HEATR4: variants seen among roughly 807,000 people sequenced by gnomAD.
HEATR4 encodes HEAT repeat-containing protein 4.
A neutral mutation model predicts 108.8 loss-of-function variants in HEATR4; 95 were observed. That is an observed-to-expected ratio of 0.87 (90% CI 0.74 to 1.04). The LOEUF is 1.04. HEATR4 is among the 50% of genes least tolerant of loss of function. The pLI, the probability that HEATR4 is intolerant of heterozygous loss-of-function variation, is 0.00. For missense variants in HEATR4, 1,152 were observed against 1,253.8 expected (o/e 0.92, Z 1.23); for synonymous variants, 443 against 459.4 (o/e 0.96, Z 0.46).
chr14:73,598,389 CA>C, the HEATR4 span, among the ~76,000 whole-genome samples: 1,377 of 103,304 alleles, frequency 0.013, 14 homozygotes, highest in African/African-American at 0.04. Flanking sequence ...GACTCCGTCT[CA>C]AAAAAAAAAA....
rs1234087360 is a variant in HEATR4 at position 73,534,851 on chromosome 14, A to G, written c.-151-4607T>C. On this transcript the variant is annotated intron_variant, in intron 1 of 17. Transcript: ENST00000553558. Reference sequence around the variant, plus strand: ...GGGATGAGGTCTTGCTCTGTTGCCCAAGCTGGTATCGAATTCCTCCTGGGC... The same window carrying G: ...GGGATGAGGTCTTGCTCTGTTGCCCGAGCTGGTATCGAATTCCTCCTGGGC... 3.9e-5 allele frequency among the ~76,000 whole-genome samples: 4 copies of G among 103,324 alleles called. 2 individuals are homozygous for G. In the Admixed American group the frequency reaches 4.6e-4, roughly 12 times the overall value. The allele number at this position is 103,324 out of a possible 152,430, so 67.8% of individuals were successfully genotyped here. A position where few individuals can be genotyped will look rare whatever the true frequency, so the allele number is the denominator to read the frequency against.
intron 16 of HEATR4, among the ~76,000 whole-genome samples, chr14:73,494,488 A>G (rs1885979701): frequency 6.6e-6 from 1 of 152,206 alleles, no homozygotes; most frequent in Non-Finnish European, 1.5e-5. Context: ...ATAGACATAC[A>G]CTAAGTAAAA....
At chr14:73,510,422 GT>G (rs1177019864) in intron 7 of HEATR4, among the ~76,000 whole-genome samples, 2 of 146,034 alleles carry the variant, frequency 1.4e-5, no homozygotes, top group Non-Finnish European at 1.5e-5. Context: ...GTTGGCTGGA[GT>G]TTTTTTGTTT....
intron 8 of HEATR4, among the ~76,000 whole-genome samples, chr14:73,508,982 T>G (rs1273926772): frequency 2.0e-5 from 3 of 151,978 alleles, no homozygotes; most frequent in Non-Finnish European, 4.4e-5. Context: ...TAGGTCTGCC[T>G]CAGCCTCCTA....
chr14:73,564,955 T>A, the HEATR4 span, among the ~76,000 whole-genome samples: 6 of 152,162 alleles, frequency 3.9e-5, no homozygotes, highest in Non-Finnish European at 7.4e-5. Context: ...ACCTGCTTTT[T>A]TCATCAGTGT....
the HEATR4 span, among the ~76,000 whole-genome samples, chr14:73,623,643 T>C: frequency 6.6e-6 from 1 of 152,106 alleles, no homozygotes; most frequent in Non-Finnish European, 1.5e-5. Context: ...GGCACTGCAT[T>C]CCAGCCTAGG....
At chr14:73,592,030 G>A in the HEATR4 span, 1 of 1,447,706 alleles carries the variant, frequency 6.9e-7, no homozygotes, top group Non-Finnish European at 9.1e-7. Context: ...ATTGCCGTGC[G>A]CGGCCTGGCC....
chr14:73,604,164 CTTTTTTT>C, the HEATR4 span, among the ~76,000 whole-genome samples: 3 of 120,778 alleles, frequency 2.5e-5, no homozygotes, highest in African/African-American at 3.3e-5. Flanking sequence ...TTGCTAATTT[CTTTTTTT>C]TTTTTTTTTT....
At chr14:73,580,704 C>G in the HEATR4 span, 1 of 152,062 alleles carries the variant, frequency 6.6e-6, no homozygotes, top group African/African-American at 2.4e-5. Flanking sequence ...CAGATCCAGT[C>G]CCTGAAGCTG....
At chr14:73,567,263 G>T in the HEATR4 span, among the ~76,000 whole-genome samples, 1 of 152,064 alleles carries the variant, frequency 6.6e-6, no homozygotes, top group Non-Finnish European at 1.5e-5. Flanking sequence ...GTGATCTTCA[G>T]AAAATCAGTT....
Position 73,492,678 on chromosome 14 carries a change from G to T in HEATR4, c.2844+388C>A. ...ACAGAAGTCCATATGCTTCAGGATG[G>T]GATAGCTCGGCTGGTGGGTGAGGGG... On this transcript the variant is annotated intron_variant, in intron 17 of 17. Coordinates refer to ENST00000553558, the MANE Select transcript of HEATR4 (RefSeq NM_001220484.1). This position sits in a 1 kb window ranked among gnomAD's most constrained non-coding sequence, Gnocchi z 4.9. 6.2e-7 allele frequency: 1 copy of T among 1,614,004 alleles called. No individual in the cohort carries two copies. The highest frequency in any genetic ancestry group is 8.5e-7 in the Non-Finnish European group (1 of 1,179,892).
the HEATR4 span, among the ~76,000 whole-genome samples, chr14:73,585,145 T>A: frequency 2.2e-3 from 328 of 152,156 alleles, 2 homozygotes; most frequent in African/African-American, 7.5e-3. Flanking sequence ...CTTACACCCA[T>A]GCACACACTA....
the HEATR4 span, chr14:73,582,494 G>T: frequency 6.6e-6 from 1 of 151,456 alleles, no homozygotes; most frequent in African/African-American, 2.4e-5. Context: ...CTCAGCATTC[G>T]CATTGTCATT....
the HEATR4 span, among the ~76,000 whole-genome samples, chr14:73,603,999 T>C: frequency 6.6e-6 from 1 of 152,194 alleles, no homozygotes; most frequent in Non-Finnish European, 1.5e-5. Context: ...CCCAAAGTGC[T>C]GGGATTACAG....
chr14:73,585,153 C>T, the HEATR4 span, among the ~76,000 whole-genome samples: 1 of 152,112 alleles, frequency 6.6e-6, no homozygotes, highest in South Asian at 2.1e-4. Flanking sequence ...CATGCACACA[C>T]TATCCAGCAT....
Position 73,492,938 on chromosome 14 carries a change from A to G in HEATR4, c.2844+128T>C, listed in dbSNP as rs1885874236. 1 of 1,611,728 alleles carries G rather than the reference A, an allele frequency of 6.2e-7. No homozygotes were observed. Among genetic ancestry groups the G allele is most frequent in the African/African-American group, 1.3e-5 (1 of 74,512 alleles). ...GCTCACTAAGATGCCTCTAGCCCTA[A>G]ATTAGTTTCTTGTTGATTGCTGGAA... On this transcript the variant is annotated intron_variant, in intron 17 of 17. Transcript: ENST00000553558. This position sits in a 1 kb window ranked among gnomAD's most constrained non-coding sequence, Gnocchi z 4.9.
At chr14:73,569,779 G>A in the HEATR4 span, 2 of 1,606,070 alleles carry the variant, frequency 1.2e-6, no homozygotes, top group East Asian at 2.2e-5. Flanking sequence ...GACCCCGGGC[G>A]GCTGCTGTGC....
chr14:73,572,308 C>G, the HEATR4 span, among the ~76,000 whole-genome samples: 249 of 150,620 alleles, frequency 1.7e-3, 3 homozygotes, highest in South Asian at 4.9e-3. Context: ...ACTACAGCTA[C>G]AAGAATCAAC....
chr14:73,590,114 C>A, the HEATR4 span, among the ~76,000 whole-genome samples: 1 of 152,184 alleles, frequency 6.6e-6, no homozygotes, highest in South Asian at 2.1e-4. Flanking sequence ...GTTGCCACTG[C>A]TAGCTCTGGC....
Sources: allele counts gnomAD v4.1 joint callset (sites outside exome capture counted in the v4.1 genomes callset), GRCh38; gene constraint gnomAD v4.1.1; non-coding constraint Gnocchi (gnomAD v3.1); transcripts MANE v1.5; gene names NCBI Gene and HGNC (gene_info 2026-07-23, HGNC 2026-07-21).